CIDEA: variants seen among roughly 807,000 people sequenced by gnomAD.
CIDEA encodes cell death inducing DFFA like effector a.
CIDEA carries 10 observed loss-of-function variants against 18.2 expected under a neutral mutation model. That is an observed-to-expected ratio of 0.55 (90% CI 0.34 to 0.93). The LOEUF (loss-of-function observed/expected upper bound fraction) is 0.93, where lower values mean the gene tolerates loss of function less well. Ranked by LOEUF, CIDEA falls within the 40% of genes least tolerant of loss-of-function variation. The probability of loss-of-function intolerance (pLI) is 0.02; values close to 1 mark genes in which losing one functional copy is unlikely to be tolerated. For synonymous variants in CIDEA, 128 were observed against 124.8 expected, an observed-to-expected ratio of 1.03 and a Z score of -0.17; for missense variants, 309 against 293.1, an observed-to-expected ratio of 1.05 and a Z score of -0.40.
In CIDEA at chr18:12,277,461, G is replaced by GT. The variant is rs138696603; in HGVS notation, c.*191_*192insT. On this transcript the variant is annotated 3_prime_UTR_variant, in exon 5 of 5. Transcript: ENST00000320477. ...GTGGGGGCAGTGGGCAGGGTGCCCT[G>GT]GGGGGGAGGCATAGAGGGCCCTGGG... 5,229 of 625,586 alleles carry GT rather than the reference G, an allele frequency of 8.4e-3. 172 individuals are homozygous for GT. Among genetic ancestry groups the GT allele is most frequent in the African/African-American group, 0.08 (4,300 of 53,856 alleles). 38.8% of individuals were successfully genotyped at this position (625,586 alleles called of 1,614,324 possible).
At chr18:12,274,022 A>C (rs1912625899) in intron 3 of CIDEA, 71 bp from the exon 4 acceptor site, 2 of 1,533,208 alleles carry the variant, frequency 1.3e-6, no homozygotes, top group Non-Finnish European at 1.8e-6. Context: ...TGAAGCTGGC[A>C]TAAGAGCAGA....
intron 3 of CIDEA, among the ~76,000 whole-genome samples, chr18:12,265,369 G>T (rs1912321093): frequency 1.3e-5 from 2 of 152,260 alleles, no homozygotes; most frequent in Non-Finnish European, 2.9e-5. Context: ...GAAGCTGGCA[G>T]TTCCCCAGGC....
chr18:12,261,369 A>AAAAC (rs1212075920), intron 1 of CIDEA, among the ~76,000 whole-genome samples: 4 of 152,258 alleles, frequency 2.6e-5, no homozygotes, highest in East Asian at 3.9e-4. Flanking sequence ...ACTCCATCTC[A>AAAAC]AAACAAACAA....
chr18:12,255,374 G>A (rs1912002936), intron 1 of CIDEA, among the ~76,000 whole-genome samples: 1 of 152,194 alleles, frequency 6.6e-6, no homozygotes. Flanking sequence ...GCTACGAAAC[G>A]CAATCTATGA....
intron 1 of CIDEA, 31 bp from the exon 2 acceptor site, chr18:12,262,794 A>T (rs1220768937): frequency 1.3e-6 from 2 of 1,594,862 alleles, no homozygotes; most frequent in Non-Finnish European, 8.6e-7. Context: ...GACTCTTTTT[A>T]AAAAGTTTTA....
chr18:12,262,256 G>T (rs1370112898), intron 1 of CIDEA, among the ~76,000 whole-genome samples: 4 of 152,108 alleles, frequency 2.6e-5, no homozygotes, highest in South Asian at 2.1e-4. Context: ...AGCCCTGAAG[G>T]TCTTTTCTTT....
intron 4 of CIDEA, among the ~76,000 whole-genome samples, chr18:12,276,196 G>T (rs1025954124): frequency 6.6e-6 from 1 of 151,914 alleles, no homozygotes; most frequent in Admixed American, 6.5e-5. Flanking sequence ...GTTTCACCAT[G>T]TTGGCCAGGC....
chr18:12,264,510 T>C (rs562759750), intron 3 of CIDEA, 57 bp downstream of exon 3: 18 of 1,452,310 alleles, frequency 1.2e-5, no homozygotes, highest in Non-Finnish European at 1.6e-5. Context: ...ACCTACAAAT[T>C]TGTGTGCCCT....
intron 3 of CIDEA, among the ~76,000 whole-genome samples, chr18:12,264,759 T>G (rs1461773264): frequency 1.3e-5 from 2 of 151,990 alleles, no homozygotes; most frequent in Non-Finnish European, 2.9e-5. Flanking sequence ...TTCACCGTGT[T>G]AGCCAGGATG....
intron 1 of CIDEA, among the ~76,000 whole-genome samples, chr18:12,261,738 A>AT (rs978553672): frequency 4.0e-4 from 60 of 150,828 alleles, no homozygotes; most frequent in Non-Finnish European, 7.7e-4. Flanking sequence ...CACCCAGCTA[A>AT]TTTTTTTTTA....
chr18:12,257,777 C>T (rs778004634), intron 1 of CIDEA, among the ~76,000 whole-genome samples: 4 of 152,022 alleles, frequency 2.6e-5, no homozygotes, highest in Middle Eastern at 3.2e-3. Flanking sequence ...GAATTAGGAG[C>T]GGCAGTTCTC....
chr18:12,270,899 T>C (rs866197055), intron 3 of CIDEA, among the ~76,000 whole-genome samples: 2,039 of 131,658 alleles, frequency 0.015, 29 homozygotes, highest in African/African-American at 0.057. Flanking sequence ...CTTTTCTTTT[T>C]TTTTTTTTTT....
At chr18:12,276,576 C>A (rs75310338) in intron 4 of CIDEA, among the ~76,000 whole-genome samples, 1 of 152,202 alleles carries the variant, frequency 6.6e-6, no homozygotes, top group Non-Finnish European at 1.5e-5. Flanking sequence ...CTGGAGGCAC[C>A]GCCTGCTAGG....
At chr18:12,270,214 G>A (rs1202377226) in intron 3 of CIDEA, among the ~76,000 whole-genome samples, 1 of 152,134 alleles carries the variant, frequency 6.6e-6, no homozygotes, top group East Asian at 1.9e-4. Context: ...GATGTGGGAG[G>A]TGGATGGGGT....
intron 1 of CIDEA, among the ~76,000 whole-genome samples, chr18:12,256,183 C>T (rs1465712846): frequency 6.6e-6 from 1 of 152,166 alleles, no homozygotes; most frequent in Non-Finnish European, 1.5e-5. Flanking sequence ...CCTTTTCTTC[C>T]CTGCCCCTCT....
Position 12,277,226 on chromosome 18 carries a change from C to A in CIDEA, c.616C>A (p.Pro206Thr). The stretch of plus-strand genomic sequence containing the variant: ...GGTGCTGGATGACAAGGAAGAGCGG[C>A]CATCCCTCCGGTCACAAGCCAAGGG... ...LRVLDDKEERPSLRSQAKGRF... is the reference protein window; with the variant it reads ...LRVLDDKEERTSLRSQAKGRF... Residue 206 changes from proline (P) to threonine (T), a missense_variant, in exon 5 of 5, where the codon CCA (proline) becomes ACA (threonine). Coordinates refer to ENST00000320477, the MANE Select transcript of CIDEA (RefSeq NM_001279.4). 1 of 1,614,190 alleles carries A rather than the reference C, an allele frequency of 6.2e-7. No homozygotes were observed.
intron 1 of CIDEA, among the ~76,000 whole-genome samples, chr18:12,257,911 C>T (rs1353547716): frequency 1.3e-5 from 2 of 152,118 alleles, no homozygotes; most frequent in African/African-American, 4.8e-5. Context: ...TGGGTGGAGA[C>T]GGTGGCTTGT....
intron 3 of CIDEA, among the ~76,000 whole-genome samples, chr18:12,271,046 C>A (rs1021679757): frequency 6.6e-6 from 1 of 151,598 alleles, no homozygotes; most frequent in Middle Eastern, 3.2e-3. Flanking sequence ...TTACAGGCGC[C>A]CACCACCACG....
intron 3 of CIDEA, among the ~76,000 whole-genome samples, chr18:12,271,888 G>T (rs548149906): frequency 6.6e-6 from 1 of 152,176 alleles, no homozygotes; most frequent in African/African-American, 2.4e-5. Context: ...GCCCCCGCCC[G>T]GCGAGGCCCC....
Sources: gnomAD v4.1 joint callset for allele counts (sites outside exome capture counted in the v4.1 genomes callset) on GRCh38, gnomAD v4.1.1 for gene constraint, MANE v1.5 for transcripts, NCBI Gene and HGNC (gene_info 2026-07-23, HGNC 2026-07-21) for gene names.